Variants in MELK observed in about 807,000 individuals in gnomAD.
The protein encoded by MELK is pEg3 kinase.
In MELK, 81 loss-of-function variants were observed where a neutral mutation model predicts 85.0. That is an observed-to-expected ratio of 0.95 (90% CI 0.80 to 1.15). MELK has a LOEUF of 1.15. Among genes scored for constraint, MELK ranks in the 50% most tolerant of loss-of-function variants. MELK has a pLI of 0.00. For missense variants in MELK, 754 were observed against 777.5 expected, an observed-to-expected ratio of 0.97 and a Z score of 0.36; for synonymous variants, 252 against 265.0, an observed-to-expected ratio of 0.95 and a Z score of 0.48.
At chr9:36,635,265 T>C (rs62541987) in intron 10 of MELK, among the ~76,000 whole-genome samples, 1 of 148,458 alleles carries the variant, frequency 6.7e-6, no homozygotes, top group Non-Finnish European at 1.5e-5. Context: ...TATTTAATTT[T>C]AATTTTTTTT....
At chr9:36,649,918 CTATT>C (rs1830547445) in intron 11 of MELK, among the ~76,000 whole-genome samples, 2 of 151,454 alleles carry the variant, frequency 1.3e-5, no homozygotes, top group Non-Finnish European at 2.9e-5. Flanking sequence ...GATCCTATCT[CTATT>C]TAATTTAATT....
At chr9:36,606,114 T>C (rs1825454345) in intron 7 of MELK, among the ~76,000 whole-genome samples, 1 of 151,904 alleles carries the variant, frequency 6.6e-6, no homozygotes, top group South Asian at 2.1e-4. Context: ...ATATAAAGGT[T>C]AAGCTCTTTT....
intron 11 of MELK, among the ~76,000 whole-genome samples, chr9:36,647,455 T>C (rs1025271568): frequency 4.0e-5 from 6 of 151,882 alleles, no homozygotes; most frequent in Admixed American, 1.3e-4. Flanking sequence ...CCAGCCACCT[T>C]CTCCATGAAG....
At chr9:36,653,716 C>T (rs1330235630) in intron 12 of MELK, among the ~76,000 whole-genome samples, 7 of 152,058 alleles carry the variant, frequency 4.6e-5, no homozygotes, top group African/African-American at 9.7e-5. Context: ...TTTATGAAAT[C>T]CAAGATAACA....
Position 36,642,980 on chromosome 9 carries a change from A to G in MELK, c.835-17A>G, listed in dbSNP as rs370495074. ...TTGTAATTTTTTGTTAATAAAGTGC[A>G]TAATTTTTTTTTGTAGTTTATTCAC... On this transcript the variant is annotated splice_polypyrimidine_tract_variant and intron_variant, in intron 10 of 17. Transcript: ENST00000298048. 1.8e-5 allele frequency: 28 copies of G among 1,586,580 alleles called. No homozygotes were observed. Among genetic ancestry groups the G allele is most frequent in the Non-Finnish European group, 2.2e-5 (26 of 1,164,772 alleles).
chr9:36,600,281 G>A (rs951435308), intron 7 of MELK, among the ~76,000 whole-genome samples: 2 of 151,926 alleles, frequency 1.3e-5, no homozygotes, highest in Non-Finnish European at 2.9e-5. Flanking sequence ...AGTAGAGACG[G>A]GTTTCACCAT....
At chr9:36,634,453 G>A (rs1828924210) in intron 10 of MELK, among the ~76,000 whole-genome samples, 1 of 152,184 alleles carries the variant, frequency 6.6e-6, no homozygotes. Context: ...GCTCACACCT[G>A]TAATCCCAGC....
At position 36,623,922 on chromosome 9, in the gene MELK, C is replaced by T. The variant is rs142530171; in HGVS notation, c.667-6377C>T. Among the ~76,000 whole-genome samples the T allele has an allele frequency of 9.9e-5, 15 of 152,254 alleles. No homozygotes were observed. In the East Asian group the frequency reaches 2.1e-3, roughly 22 times the overall value. On this transcript the variant is annotated intron_variant, in intron 8 of 17. Coordinates refer to ENST00000298048, the MANE Select transcript of MELK (RefSeq NM_014791.4). ...ATCCTGTAAGTGGCATTAGTTGTAT[C>T]GCAGATAATAATAATGGTAGTAATA... is the stretch of plus-strand genomic sequence containing the variant.
chr9:36,672,080 G>A lies in MELK; in HGVS notation c.1674+914G>A, dbSNP rs890444086. Among the ~76,000 whole-genome samples, 7 of 152,264 alleles carry A rather than the reference G, an allele frequency of 4.6e-5. No individual in the cohort carries two copies. In the East Asian group the frequency reaches 5.8e-4, roughly 13 times the overall value. On this transcript the variant is annotated intron_variant, in intron 16 of 17. Coordinates refer to ENST00000298048, the MANE Select transcript of MELK (RefSeq NM_014791.4). ...ACTCTCGTAATGAGCAAATCTGGGC[G>A]GTTTGAGGGAAGGAAAATGCTGAGC...
intron 1 of MELK, among the ~76,000 whole-genome samples, chr9:36,577,324 C>T (rs1004285309): frequency 1.4e-4 from 22 of 152,144 alleles, no homozygotes; most frequent in African/African-American, 5.3e-4. Context: ...ACCAGCCTGG[C>T]CAACATGGCG....
Position 36,591,652 on chromosome 9 carries a change from C to T in MELK, c.261+2000C>T, listed in dbSNP as rs1268376226. On this transcript the variant is annotated intron_variant, in intron 4 of 17. Coordinates refer to ENST00000298048, the MANE Select transcript of MELK (RefSeq NM_014791.4). Reference sequence around the variant, plus strand: ...AATTTAAAAGGTACAAGAGAGTGGCCGGGTGCAGTGTCTCGTGCCTGTAAT... The same window carrying T: ...AATTTAAAAGGTACAAGAGAGTGGCTGGGTGCAGTGTCTCGTGCCTGTAAT... Among the ~76,000 whole-genome samples, 6 of 152,004 alleles carry T rather than the reference C, an allele frequency of 3.9e-5. 1 individual carries two copies. The highest frequency in any genetic ancestry group is 4.2e-4 in the South Asian group (2 of 4,806).
At chr9:36,660,447 ATCGGG>A (rs1194908876) in intron 13 of MELK, among the ~76,000 whole-genome samples, 1 of 151,678 alleles carries the variant, frequency 6.6e-6, no homozygotes, top group Admixed American at 6.6e-5. Context: ...CCTCCCGAGT[ATCGGG>A]GACTATAGGC....
At chr9:36,578,511 T>C (rs1821874326) in intron 1 of MELK, among the ~76,000 whole-genome samples, 1 of 152,190 alleles carries the variant, frequency 6.6e-6, no homozygotes, top group Admixed American at 6.5e-5. Context: ...GAAACCATAC[T>C]CTTGAGAATT....
At chr9:36,604,850 T>G (rs576734888) in intron 7 of MELK, among the ~76,000 whole-genome samples, 7 of 152,074 alleles carry the variant, frequency 4.6e-5, no homozygotes, top group Admixed American at 4.6e-4. Flanking sequence ...TCCATGTTGG[T>G]CAGGCTGGTC....
chr9:36,643,084 G>A lies in MELK; in HGVS notation c.921+1G>A, dbSNP rs1192995808. ...AACAATGGAGGATTTAATTTCACTGGTAAGAAATACAGCATGGGCTGGGCG... is the reference window on the plus strand; with the variant it reads ...AACAATGGAGGATTTAATTTCACTGATAAGAAATACAGCATGGGCTGGGCG... On this transcript the variant is annotated splice_donor_variant, in intron 11 of 17. Coordinates refer to ENST00000298048, the MANE Select transcript of MELK (RefSeq NM_014791.4). LOFTEE classifies it high-confidence loss of function. 5 of 1,610,666 alleles carry A rather than the reference G, an allele frequency of 3.1e-6. No homozygotes were observed. The highest frequency in any genetic ancestry group is 1.1e-5 in the South Asian group (1 of 90,616).
intron 11 of MELK, among the ~76,000 whole-genome samples, chr9:36,649,189 A>G (rs944320309): frequency 1.3e-5 from 2 of 152,202 alleles, no homozygotes; most frequent in African/African-American, 4.8e-5. Flanking sequence ...AAATCTTTTA[A>G]AAGTAGAACC....
intron 16 of MELK, among the ~76,000 whole-genome samples, chr9:36,672,024 G>A (rs1832933218): frequency 2.0e-5 from 3 of 152,154 alleles, no homozygotes; most frequent in Non-Finnish European, 4.4e-5. Context: ...ATCATTTGGG[G>A]ACTGGGTCTA....
intron 8 of MELK, among the ~76,000 whole-genome samples, chr9:36,611,300 G>T (rs1207713120): frequency 6.6e-6 from 1 of 152,196 alleles, no homozygotes; most frequent in East Asian, 1.9e-4. Flanking sequence ...CTTCTAGAAA[G>T]ACTGTGGAAA....
rs762201798 is a variant in MELK at position 36,599,498 on chromosome 9, T to C, written c.567+12T>C. Reference sequence around the variant, plus strand: ...ATCTTGGATCAGAGGTAATTATTCATTGATTAATTCATTATATAATCAGCA... The same window carrying C: ...ATCTTGGATCAGAGGTAATTATTCACTGATTAATTCATTATATAATCAGCA... On this transcript the variant is annotated intron_variant, in intron 7 of 17. Transcript: ENST00000298048. The C allele has an allele frequency of 8.8e-6, 14 of 1,583,010 alleles. 1 individual carries two copies. The South Asian group carries it at 1.1e-4, about 13-fold the overall frequency.
Sources: allele counts gnomAD v4.1 joint callset (sites outside exome capture counted in the v4.1 genomes callset), GRCh38; gene constraint gnomAD v4.1.1; transcripts MANE v1.5; gene names NCBI Gene and HGNC (gene_info 2026-07-23, HGNC 2026-07-21).